Variants in CPAMD8 observed in about 807,000 individuals in gnomAD.
CPAMD8 encodes C3 and PZP like alpha-2-macroglobulin domain containing 8.
In CPAMD8, 146 loss-of-function variants were observed where a neutral mutation model predicts 224.7. That is an observed-to-expected ratio of 0.65 (90% confidence interval 0.57 to 0.75). The LOEUF is 0.75. CPAMD8 is among the 30% of genes least tolerant of loss of function. The pLI is 0.00. For synonymous variants in CPAMD8, 966 were observed against 1,044.6 expected (o/e 0.92, Z 1.45); for missense variants, 2,301 against 2,537.5 (o/e 0.91, Z 2.00).
intron 32 of CPAMD8, 50 bp downstream of exon 32, chr19:16,904,176 A>AGGGG: frequency 8.6e-5 from 81 of 937,268 alleles, no homozygotes; most frequent in Non-Finnish European, 1.3e-4. Flanking sequence ...GACTGCAGGG[A>AGGGG]CCCCACCCAC....
chr19:16,931,349 G>T (rs1170567229), intron 23 of CPAMD8, among the ~76,000 whole-genome samples: 1 of 152,176 alleles, frequency 6.6e-6, no homozygotes, highest in Non-Finnish European at 1.5e-5. Context: ...CTCCTCCTAG[G>T]CATCTGAGGT....
chr19:16,973,210 T>C (rs765780917), intron 17 of CPAMD8, among the ~76,000 whole-genome samples: 46 of 152,138 alleles, frequency 3.0e-4, no homozygotes, highest in Non-Finnish European at 6.6e-4. Flanking sequence ...GTTTGTTTTG[T>C]TTTTAGCAAA....
At chr19:16,979,755 G>T (rs990782295) in intron 14 of CPAMD8, among the ~76,000 whole-genome samples, 6 of 151,802 alleles carry the variant, frequency 4.0e-5, no homozygotes, top group Non-Finnish European at 7.4e-5. Context: ...CACAGAGAAT[G>T]ATCTTGCCCA....
At chr19:16,920,474 C>T (rs892765959) in intron 27 of CPAMD8, among the ~76,000 whole-genome samples, 18 of 148,342 alleles carry the variant, frequency 1.2e-4, no homozygotes, top group Non-Finnish European at 2.5e-4. Context: ...AGCGAGACTC[C>T]GTCTCAAAAA....
chr19:16,904,568 T>G lies in CPAMD8; in HGVS notation c.4028-16A>C, dbSNP rs894599853. ...GTGACCCCATCTGCAAGGAAAGGAGTGGTCAAGAGCTATAACCCACCCAGT... is the reference window on the plus strand; with the variant it reads ...GTGACCCCATCTGCAAGGAAAGGAGGGGTCAAGAGCTATAACCCACCCAGT... On this transcript the variant is annotated splice_polypyrimidine_tract_variant and intron_variant, in intron 30 of 41. Coordinates refer to ENST00000443236, the MANE Select transcript of CPAMD8 (RefSeq NM_015692.5). 1 of 1,582,532 alleles carries G rather than the reference T, an allele frequency of 6.3e-7. No individual in the cohort carries two copies.
At chr19:17,000,332 A>G (rs950590663) in intron 10 of CPAMD8, 82 bp downstream of exon 10, 2 of 657,044 alleles carry the variant, frequency 3.0e-6, no homozygotes, top group Non-Finnish European at 5.6e-6. Context: ...AATAACAATA[A>G]GAGAAAGTAA....
rs1425908581 is a variant in CPAMD8 at position 16,899,031 on chromosome 19, C to CT, written c.4848+443dup. 1.3e-5 allele frequency among the ~76,000 whole-genome samples: 2 copies of CT among 152,192 alleles called. No individual in the cohort carries two copies. Among genetic ancestry groups the CT allele is most frequent in the Non-Finnish European group, 2.9e-5 (2 of 68,042 alleles). On this transcript the variant is annotated intron_variant, in intron 37 of 41. Coordinates refer to ENST00000443236, the MANE Select transcript of CPAMD8 (RefSeq NM_015692.5). This position sits in a 1 kb window ranked among gnomAD's most constrained non-coding sequence, Gnocchi z 5.4. ...CGCCTCCCAGGTTCAAACGACTCTC[C>CT]TGCCTCAGCCTCCCAAATAGCTGGG...
intron 30 of CPAMD8, among the ~76,000 whole-genome samples, chr19:16,905,569 G>GAAAAAAAAAAAAAAAA: frequency 1.1e-5 from 1 of 92,702 alleles, no homozygotes; most frequent in Non-Finnish European, 2.1e-5. Context: ...AGGAAGAAAA[G>GAAAAAAAAAAAAAAAA]AAAAAAAAAA....
Position 16,899,781 on chromosome 19 carries a change from C to T in CPAMD8, c.4774-232G>A, listed in dbSNP as rs57816869. On this transcript the variant is annotated intron_variant, in intron 36 of 41. Coordinates refer to ENST00000443236, the MANE Select transcript of CPAMD8 (RefSeq NM_015692.5). This position sits in a 1 kb window ranked among gnomAD's most constrained non-coding sequence, Gnocchi z 5.4. ...ACCTGCCTCGCCTCCCTATACACTC[C>T]CTCAACCCAGCCCCAAGCCCAGGTC... Among the ~76,000 whole-genome samples the T allele has an allele frequency of 0.075, 11,423 of 152,172 alleles. 1,426 individuals are homozygous for T. The highest frequency in any genetic ancestry group is 0.26 in the African/African-American group (10,705 of 41,452).
At chr19:16,915,366 C>A (rs1277985278) in intron 27 of CPAMD8, among the ~76,000 whole-genome samples, 1 of 152,030 alleles carries the variant, frequency 6.6e-6, no homozygotes, top group Non-Finnish European at 1.5e-5. Context: ...AGGGGTGCAG[C>A]CATGTGCCAA....
At chr19:17,019,235 T>C (rs1250973024) in intron 3 of CPAMD8, among the ~76,000 whole-genome samples, 1 of 152,078 alleles carries the variant, frequency 6.6e-6, no homozygotes, top group East Asian at 1.9e-4. Context: ...GCAATTCTCC[T>C]GCCTCAGCCC....
chr19:16,902,410 G>A (rs751234580), intron 35 of CPAMD8, among the ~76,000 whole-genome samples: 8 of 152,064 alleles, frequency 5.3e-5, no homozygotes, highest in Admixed American at 1.3e-4. Flanking sequence ...CCAGCTACTC[G>A]GGAGGCTGAG....
chr19:16,938,430 C>A lies in CPAMD8; in HGVS notation c.2810G>T (p.Arg937Leu). 2.5e-6 allele frequency: 4 copies of A among 1,577,050 alleles called. No homozygotes were observed. The highest frequency in any genetic ancestry group is 2.6e-6 in the Non-Finnish European group (3 of 1,163,192). ...SVMVEAEGVP[R>L]AYTYSAFFCP... ...GAAGAATGCGCTGTAGGTGTACGCC[C>A]GGGGGACTCCTTCCGCCTGAAACAA... Residue 937 changes from arginine to leucine, a missense_variant, in exon 23 of 42, where the codon CGG becomes CTG. Physicochemically the swap from Arg to Leu is moderately radical, Grantham distance 102 (BLOSUM62 -2). Transcript: ENST00000443236.
chr19:16,979,457 T>TTTATCTATCATCCAC (rs2055422161), intron 14 of CPAMD8, among the ~76,000 whole-genome samples: 2 of 149,542 alleles, frequency 1.3e-5, no homozygotes, highest in African/African-American at 2.5e-5. Context: ...AATCCACCCA[T>TTTATCTATCATCCAC]CCATCTGTCC....
intron 13 of CPAMD8, among the ~76,000 whole-genome samples, chr19:16,982,996 T>C (rs7258845): frequency 0.5 from 75,331 of 152,048 alleles, 21,910 homozygotes; most frequent in African/African-American, 0.82. Context: ...TAAGGGGTTT[T>C]CCTTTTCACT....
intron 19 of CPAMD8, among the ~76,000 whole-genome samples, chr19:16,955,238 T>G (rs1234542251): frequency 6.6e-6 from 1 of 150,740 alleles, no homozygotes; most frequent in Admixed American, 6.6e-5. Context: ...GAGGTTGCAG[T>G]GAGCCGAGAT....
At position 16,928,040 on chromosome 19, in the gene CPAMD8, AG is replaced by A. The variant is rs763641489; in HGVS notation, c.3338del (p.Pro1113LeufsTer19). ...FTLGVPHGAI[P>X]GSERATASII... ...TGGAGGCGGTGGCTCGCTCAGACCC[AG>A]GGATGGCGCCGTGTGGGACCCCCAG... On this transcript the variant is annotated frameshift_variant, in exon 25 of 42. Coordinates refer to ENST00000443236, the MANE Select transcript of CPAMD8 (RefSeq NM_015692.5). LOFTEE classifies it high-confidence loss of function. The A allele has an allele frequency of 6.2e-7, 1 of 1,613,566 alleles. No individual in the cohort carries two copies. The highest frequency in any genetic ancestry group is 8.5e-7 in the Non-Finnish European group (1 of 1,179,656).
intron 18 of CPAMD8, among the ~76,000 whole-genome samples, chr19:16,968,046 T>C (rs2054921252): frequency 6.6e-6 from 1 of 150,868 alleles, no homozygotes; most frequent in South Asian, 2.1e-4. Flanking sequence ...GATTTACAAT[T>C]GCCTTCATGG....
In CPAMD8 at chr19:16,898,007, G is replaced by T. The variant is rs1324379788; in HGVS notation, c.4849-13C>A. 1 of 1,595,678 alleles carries T rather than the reference G, an allele frequency of 6.3e-7. No homozygotes were observed. Among genetic ancestry groups the T allele is most frequent in the Admixed American group, 1.7e-5 (1 of 57,738 alleles). On this transcript the variant is annotated splice_polypyrimidine_tract_variant and intron_variant, in intron 37 of 41. Transcript: ENST00000443236. The surrounding 1 kb of genome is among the most constrained non-coding windows in gnomAD (Gnocchi z 4.2). Reference sequence around the variant, plus strand: ...ACCGGCTGGGGATCTGTGGGGCAGCGGCGGGCGCAGGCTCGACCCGGGCCA... The same window carrying T: ...ACCGGCTGGGGATCTGTGGGGCAGCTGCGGGCGCAGGCTCGACCCGGGCCA...
Sources: allele counts gnomAD v4.1 joint callset (sites outside exome capture counted in the v4.1 genomes callset), GRCh38; gene constraint gnomAD v4.1.1; non-coding constraint Gnocchi (gnomAD v3.1); transcripts MANE v1.5; gene names NCBI Gene and HGNC (gene_info 2026-07-23, HGNC 2026-07-21).